Variants in GPR143 observed in about 807,000 individuals in gnomAD.
The protein encoded by GPR143 is G-protein coupled receptor 143.
In GPR143, 8 loss-of-function variants were observed where a neutral mutation model predicts 27.6. The ratio of observed to expected loss-of-function variants is 0.29; its 90% CI spans 0.17 to 0.52. The LOEUF (loss-of-function observed/expected upper bound fraction) is 0.52. GPR143 is among the 20% of genes least tolerant of loss of function. The pLI, the probability that GPR143 is intolerant of heterozygous loss-of-function variation, is 0.96. For synonymous variants in GPR143, 156 were observed against 153.2 expected (o/e 1.02, Z -0.13); for missense variants, 303 against 343.1 (o/e 0.88, Z 0.92).
At chrX:9,769,585 GTTTA>G (rs1039864060), upstream of GPR143, among the ~76,000 whole-genome samples, 246 of 111,925 alleles carry the variant, frequency 2.2e-3, 1 homozygote, top group African/African-American at 7.7e-3. Flanking sequence ...AATAAGATTT[GTTTA>G]TTTATTTATT....
At chrX:9,752,656 T>C (rs768912860) in intron 3 of GPR143, among the ~76,000 whole-genome samples, 19 of 110,828 alleles carry the variant, frequency 1.7e-4, no homozygotes, top group African/African-American at 6.2e-4. Flanking sequence ...TTGCTGGCTT[T>C]GAAGATGGAG....
intron 1 of GPR143, among the ~76,000 whole-genome samples, chrX:9,776,015 CTT>C (rs1340621382): frequency 8.9e-6 from 1 of 112,293 alleles, no homozygotes; most frequent in East Asian, 2.8e-4. Context: ...TAACCATAGA[CTT>C]TGGCTAATTT....
At chrX:9,747,837 A>G (rs1482989565) in intron 4 of GPR143, 1 of 112,510 alleles carries the variant, frequency 8.9e-6, no homozygotes, top group African/African-American at 3.2e-5. Context: ...CTATATTCCA[A>G]TAAAACTTTA....
At position 9,738,688 on chromosome X, in the gene GPR143, G is replaced by C. The variant is rs2083389052; in HGVS notation, c.1120+797C>G. 3 of 128,305 alleles carry C rather than the reference G, an allele frequency of 2.3e-5. No homozygotes were observed. The Admixed American group carries it at 2.8e-4, about 12-fold the overall frequency. 10.6% of individuals were successfully genotyped at this position (128,305 alleles called of 1,213,427 possible). On this transcript the variant is annotated intron_variant, in intron 8 of 8. Coordinates refer to ENST00000467482, the MANE Select transcript of GPR143 (RefSeq NM_000273.3). ...TGCCCCAGCTGGAGTGCAATGGCGCGATCTCAGCTGACTGCAACCTCCTCC... is the reference window on the plus strand; with the variant it reads ...TGCCCCAGCTGGAGTGCAATGGCGCCATCTCAGCTGACTGCAACCTCCTCC...
chrX:9,746,001 G>T, intron 5 of GPR143, 43 bp downstream of exon 5: 1 of 802,518 alleles, frequency 1.2e-6, no homozygotes, highest in Non-Finnish European at 1.9e-6. Context: ...GCATGGGGCC[G>T]CTCCCAGTGG....
At chrX:9,768,801 C>A (rs201201403), upstream of GPR143, among the ~76,000 whole-genome samples, 12 of 110,998 alleles carry the variant, frequency 1.1e-4, no homozygotes, top group East Asian at 8.5e-4. Flanking sequence ...CCTCAGCCTC[C>A]TGAGCAGCTG....
chrX:9,726,404 G>A (rs2083327852), intron 8 of GPR143, among the ~76,000 whole-genome samples: 1 of 111,535 alleles, frequency 9.0e-6, no homozygotes, highest in African/African-American at 3.3e-5. Flanking sequence ...GCTCCTCCCT[G>A]TCAGCATCTA....
chrX:9,728,796 G>A (rs1046093163), intron 8 of GPR143, among the ~76,000 whole-genome samples: 2 of 105,085 alleles, frequency 1.9e-5, no homozygotes, highest in East Asian at 5.7e-4. Flanking sequence ...CTGGGCAACA[G>A]AGTGAGATCC....
intron 3 of GPR143, among the ~76,000 whole-genome samples, chrX:9,755,350 G>T (rs113319669): frequency 0.014 from 1,542 of 111,659 alleles, 38 homozygotes; most frequent in African/African-American, 0.047. Context: ...CCCAGGCGGT[G>T]CAGGTTGCAG....
At chrX:9,748,529 T>G in intron 4 of GPR143, 45 bp downstream of exon 4, 1 of 859,138 alleles carries the variant, frequency 1.2e-6, no homozygotes, top group Non-Finnish European at 1.7e-6. Context: ...CAACACATTA[T>G]GAGCCAAGGA....
chrX:9,735,849 T>A (rs1397940743), intron 8 of GPR143, among the ~76,000 whole-genome samples: 1 of 111,816 alleles, frequency 8.9e-6, no homozygotes, highest in Non-Finnish European at 1.9e-5. Flanking sequence ...CATGGCTAAG[T>A]TTTTTCTGTA....
At chrX:9,738,496 C>T (rs1472743191) in intron 8 of GPR143, 1 of 734,252 alleles carries the variant, frequency 1.4e-6, no homozygotes, top group Non-Finnish European at 1.6e-6. Context: ...TCATGGCTCC[C>T]AATTTCAACC....
intron 8 of GPR143, among the ~76,000 whole-genome samples, chrX:9,736,897 G>A (rs1016900667): frequency 8.9e-6 from 1 of 111,878 alleles, no homozygotes; most frequent in African/African-American, 3.2e-5. Context: ...TTCTCCAATA[G>A]ACTGTGAGAT....
At chrX:9,764,477 G>A (rs1447260055) in intron 1 of GPR143, among the ~76,000 whole-genome samples, 1 of 104,930 alleles carries the variant, frequency 9.5e-6, no homozygotes, top group African/African-American at 3.6e-5. Flanking sequence ...AATATATAGT[G>A]CACAATAGAA....
At chrX:9,757,839 T>C (rs1569123379) in intron 3 of GPR143, among the ~76,000 whole-genome samples, 2 of 111,304 alleles carry the variant, frequency 1.8e-5, no homozygotes, top group Middle Eastern at 4.6e-3. Flanking sequence ...GACACGATCA[T>C]GTGCTTTGAC....
At chrX:9,766,903 T>TCTCTCA (rs1379433308), upstream of GPR143, among the ~76,000 whole-genome samples, 1 of 86,895 alleles carries the variant, frequency 1.2e-5, no homozygotes, top group African/African-American at 4.4e-5. Context: ...TCTCTCTCTC[T>TCTCTCA]CACACACACA....
At chrX:9,737,855 C>T (rs1017206535) in intron 8 of GPR143, among the ~76,000 whole-genome samples, 5 of 111,199 alleles carry the variant, frequency 4.5e-5, no homozygotes, top group African/African-American at 6.5e-5. Flanking sequence ...ATAAAATAAA[C>T]TAGGCATGGT....
intron 1 of GPR143, among the ~76,000 whole-genome samples, chrX:9,776,766 G>A (rs184729357): frequency 2.7e-5 from 3 of 110,394 alleles, no homozygotes; most frequent in African/African-American, 9.9e-5. Context: ...GAGTGCAGTG[G>A]AGTAGTTATG....
intron 8 of GPR143, among the ~76,000 whole-genome samples, chrX:9,728,542 C>A (rs1381143008): frequency 1.0e-5 from 1 of 99,678 alleles, no homozygotes; most frequent in Non-Finnish European, 2.0e-5. Context: ...GTGGGCTGGG[C>A]ACGATGGCTC....
Sources: gnomAD v4.1 joint callset for allele counts (sites outside exome capture counted in the v4.1 genomes callset) on GRCh38, gnomAD v4.1.1 for gene constraint, MANE v1.5 for transcripts, NCBI Gene and HGNC (gene_info 2026-07-23, HGNC 2026-07-21) for gene names.